The following NCALD variants were observed in gnomAD, a reference collection of about 807,000 sequenced individuals.
NCALD encodes neurocalcin delta.
A neutral mutation model predicts 18.6 loss-of-function variants in NCALD; 10 were observed. The ratio of observed to expected loss-of-function variants is 0.54; its 90% CI spans 0.33 to 0.91. NCALD has a LOEUF of 0.91. NCALD is among the 40% of genes least tolerant of loss of function. The probability of loss-of-function intolerance (pLI) is 0.03; values close to 1 mark genes in which losing one functional copy is unlikely to be tolerated. For missense variants in NCALD, 184 were observed against 247.6 expected (o/e 0.74, Z 1.72); for synonymous variants, 88 against 87.4 (o/e 1.01, Z -0.04).
intron 2 of NCALD, among the ~76,000 whole-genome samples, chr8:102,009,237 C>G (rs11777031): frequency 0.43 from 65,187 of 151,786 alleles, 14,206 homozygotes; most frequent in Middle Eastern, 0.51. Flanking sequence ...GTCCAATGAC[C>G]TTTCTATTAA....
At chr8:102,052,608 G>A (rs1823493727) in intron 1 of NCALD, among the ~76,000 whole-genome samples, 1 of 152,196 alleles carries the variant, frequency 6.6e-6, no homozygotes, top group African/African-American at 2.4e-5. Flanking sequence ...TCCCCAACCT[G>A]GTAACAGTTT....
intron 2 of NCALD, among the ~76,000 whole-genome samples, chr8:101,943,967 C>CAAA (rs1193595555): frequency 9.8e-6 from 1 of 102,098 alleles, no homozygotes; most frequent in Admixed American, 8.9e-5. Flanking sequence ...AAACAAAAAA[C>CAAA]AAACAAACAA....
intron 1 of NCALD, among the ~76,000 whole-genome samples, chr8:102,122,163 G>T (rs1385019662): frequency 6.6e-6 from 1 of 152,208 alleles, no homozygotes; most frequent in Non-Finnish European, 1.5e-5. Flanking sequence ...CAGTGTCGCA[G>T]CAGCTGAGCT....
intron 1 of NCALD, among the ~76,000 whole-genome samples, chr8:102,049,849 C>T (rs888103933): frequency 1.3e-5 from 2 of 152,120 alleles, no homozygotes; most frequent in Non-Finnish European, 2.9e-5. Flanking sequence ...TTTCAGACCT[C>T]TTGCCCATTT....
intron 2 of NCALD, among the ~76,000 whole-genome samples, chr8:101,700,056 A>ATTTATTTATTTATTTT (rs531550008): frequency 6.6e-6 from 1 of 150,860 alleles, no homozygotes; most frequent in African/African-American, 2.4e-5. Flanking sequence ...TTATTTATTT[A>ATTTATTTATTTATTTT]TTCATTTATT....
At chr8:101,930,468 G>A (rs1487063200) in intron 2 of NCALD, among the ~76,000 whole-genome samples, 1 of 151,938 alleles carries the variant, frequency 6.6e-6, no homozygotes, top group Non-Finnish European at 1.5e-5. Flanking sequence ...GTGGCTATGT[G>A]AGCTCAATGC....
rs113436491 is a variant in NCALD at position 101,801,461 on chromosome 8, G to T, written c.-19-81813C>A. On this transcript the variant is annotated intron_variant, in intron 4 of 6. Coordinates refer to the NCALD transcript ENST00000311028. ...AAATTGGCTACATGCTGGGCCACAAGTAAGGTCTTGACACATTATAAATGA... is the reference window on the plus strand; with the variant it reads ...AAATTGGCTACATGCTGGGCCACAATTAAGGTCTTGACACATTATAAATGA... 3.2e-3 allele frequency among the ~76,000 whole-genome samples: 492 copies of T among 151,654 alleles called. 3 individuals are homozygous for T. Among genetic ancestry groups the T allele is most frequent in the African/African-American group, 0.011 (465 of 41,370 alleles).
intron 2 of NCALD, among the ~76,000 whole-genome samples, chr8:101,923,199 C>T (rs1818224891): frequency 6.6e-6 from 1 of 152,190 alleles, no homozygotes. Context: ...CATTTGCTGG[C>T]ATCTTGATCT....
At chr8:101,910,940 T>TA (rs1817773103) in intron 3 of NCALD, among the ~76,000 whole-genome samples, 1 of 152,170 alleles carries the variant, frequency 6.6e-6, no homozygotes, top group Non-Finnish European at 1.5e-5. Flanking sequence ...CAGCTAAAGA[T>TA]AAATGCACTT....
intron 1 of NCALD, among the ~76,000 whole-genome samples, chr8:102,093,145 T>C (rs1396441300): frequency 6.6e-6 from 1 of 151,252 alleles, no homozygotes; most frequent in Non-Finnish European, 1.5e-5. Flanking sequence ...AGCAACAGAG[T>C]GAGACCCTGT....
At chr8:101,931,896 CAT>C (rs1354111253) in intron 2 of NCALD, among the ~76,000 whole-genome samples, 1 of 152,108 alleles carries the variant, frequency 6.6e-6, no homozygotes, top group Admixed American at 6.5e-5. Context: ...GTGTCTCACT[CAT>C]AGCCCAGGCC....
At chr8:101,836,173 G>A (rs150787948) in intron 4 of NCALD, among the ~76,000 whole-genome samples, 1 of 152,266 alleles carries the variant, frequency 6.6e-6, no homozygotes, top group East Asian at 1.9e-4. Context: ...AAGACAGACA[G>A]TGGATTTAGC....
chr8:102,000,185 G>A lies in NCALD; in HGVS notation c.-157+20052C>T, dbSNP rs527575618. Among the ~76,000 whole-genome samples the A allele has an allele frequency of 1.2e-4, 18 of 152,292 alleles. No homozygotes were observed. In the South Asian group the frequency reaches 2.9e-3, roughly 25 times the overall value. On this transcript the variant is annotated intron_variant, in intron 2 of 6. Coordinates refer to the NCALD transcript ENST00000311028. The stretch of plus-strand genomic sequence containing the variant: ...CGGGTCACTCCCACCCTAATACTGC[G>A]CTTTTCTCACAGTCTTAGCAAACAG...
chr8:101,798,099 C>T (rs929871721), intron 4 of NCALD, among the ~76,000 whole-genome samples: 9 of 152,008 alleles, frequency 5.9e-5, no homozygotes, highest in African/African-American at 2.2e-4. Flanking sequence ...AGATTAGGAA[C>T]CAGGTAAGGA....
At chr8:101,903,662 G>A (rs1358571648) in intron 3 of NCALD, among the ~76,000 whole-genome samples, 3 of 152,128 alleles carry the variant, frequency 2.0e-5, no homozygotes, top group African/African-American at 7.2e-5. Context: ...ACCTCTCTCA[G>A]CCTTCCCAGG....
chr8:102,110,483 C>T (rs1023070504), intron 1 of NCALD, among the ~76,000 whole-genome samples: 3 of 152,076 alleles, frequency 2.0e-5, no homozygotes, highest in Non-Finnish European at 4.4e-5. Flanking sequence ...CTGATGTGAA[C>T]AATAAATTAT....
chr8:102,006,511 C>G (rs1821718687), intron 2 of NCALD, among the ~76,000 whole-genome samples: 1 of 152,192 alleles, frequency 6.6e-6, no homozygotes, highest in Non-Finnish European at 1.5e-5. Context: ...TTTCTCTCCC[C>G]TCTCTGTGCC....
chr8:102,002,818 T>C (rs974562437), intron 2 of NCALD, among the ~76,000 whole-genome samples: 1 of 152,124 alleles, frequency 6.6e-6, no homozygotes, highest in African/African-American at 2.4e-5. Context: ...AAAGATGTTC[T>C]TTGAAACCAA....
At chr8:101,754,838 C>T (rs1810808244) in intron 1 of NCALD, among the ~76,000 whole-genome samples, 1 of 151,694 alleles carries the variant, frequency 6.6e-6, no homozygotes, top group African/African-American at 2.4e-5. Context: ...AGGGCCAGTC[C>T]ATATGTTTAT....
Sources: gnomAD v4.1 joint callset for allele counts (sites outside exome capture counted in the v4.1 genomes callset) on GRCh38, gnomAD v4.1.1 for gene constraint, MANE v1.5 for transcripts, NCBI Gene and HGNC (gene_info 2026-07-23, HGNC 2026-07-21) for gene names.